Variants in ZNFX1 observed in about 807,000 individuals in gnomAD.
The protein encoded by ZNFX1 is NFX1-type zinc finger-containing protein 1.
A neutral mutation model predicts 179.8 loss-of-function variants in ZNFX1; 78 were observed. The ratio of observed to expected loss-of-function variants is 0.43; its 90% CI spans 0.36 to 0.52. The LOEUF (loss-of-function observed/expected upper bound fraction) is 0.52, where lower values mean the gene tolerates loss of function less well. ZNFX1 is among the 20% of genes least tolerant of loss of function. The pLI is 0.00. For synonymous variants in ZNFX1, 848 were observed against 868.5 expected (o/e 0.98, Z 0.42); for missense variants, 1,927 against 2,386.6 (o/e 0.81, Z 4.01).
rs192535041 is a variant in ZNFX1 at position 49,258,323 on chromosome 20, G to A, written c.2417-659C>T. Among the ~76,000 whole-genome samples, 585 of 151,026 alleles carry A rather than the reference G, an allele frequency of 3.9e-3. 1 individual carries two copies. Among genetic ancestry groups the A allele is most frequent in the Non-Finnish European group, 5.2e-3 (354 of 67,754 alleles). ...TTGGTCAGGCTGGTCTCGAACTCCC[G>A]ACCTCAGGCCTGCCTCGGCCTCCCA... On this transcript the variant is annotated intron_variant, in intron 7 of 13. Coordinates refer to ENST00000396105, the MANE Select transcript of ZNFX1 (RefSeq NM_021035.3).
intron 4 of ZNFX1, among the ~76,000 whole-genome samples, chr20:49,265,777 A>T (rs1981220224): frequency 6.6e-6 from 1 of 152,212 alleles, no homozygotes; most frequent in African/African-American, 2.4e-5. Flanking sequence ...TCCACCTGAG[A>T]AGAGAGATTT....
chr20:49,252,671 A>G (rs1427639908), intron 12 of ZNFX1, 49 bp downstream of exon 12: 1 of 1,456,194 alleles, frequency 6.9e-7, no homozygotes, highest in Non-Finnish European at 9.6e-7. Context: ...GCAGCTTCCC[A>G]GGAGCTTTCT....
At chr20:49,276,033 A>T in intron 1 of ZNFX1, 146 bp from the exon 2 acceptor site, 1 of 558,522 alleles carries the variant, frequency 1.8e-6, no homozygotes, top group Non-Finnish European at 3.2e-6. Flanking sequence ...CTAGAGCACA[A>T]GTGCTCGACT....
chr20:49,270,467 G>A lies in ZNFX1; in HGVS notation c.1345C>T (p.Leu449Phe). The A allele has an allele frequency of 6.2e-7, 1 of 1,614,192 alleles. No homozygotes were observed. Among genetic ancestry groups the A allele is most frequent in the Non-Finnish European group, 8.5e-7 (1 of 1,180,048 alleles). Residue 449 changes from leucine (L) to phenylalanine (F), a missense_variant, in exon 3 of 14, where the codon CTC (leucine) becomes TTC (phenylalanine). Leu to Phe is a conservative substitution (Grantham distance 22). Coordinates refer to ENST00000396105, the MANE Select transcript of ZNFX1 (RefSeq NM_021035.3). This position sits in a 1 kb window ranked among gnomAD's most constrained non-coding sequence, Gnocchi z 4.6. ...GACATGCATACCAAAGACCCATAGA[G>A]CAATCGTTTGGAATTCTGCCAGCGA... is the stretch of plus-strand genomic sequence containing the variant. ...FVRWQNSKRL[L>F]YGSLVCMSKD...
chr20:49,271,827 T>C, intron 2 of ZNFX1, 77 bp from the exon 3 acceptor site: 2 of 1,484,070 alleles, frequency 1.3e-6, no homozygotes, highest in Non-Finnish European at 1.8e-6. Context: ...ATGAACGTGC[T>C]TTCATTTTCC....
rs947882965 is a variant in ZNFX1, at chr20:49,270,324, C to T, written c.1488G>A (p.Glu496=). The change falls in exon 3 of 14, where the codon GAG becomes GAA. Residue 496 remains glutamate (E), a synonymous_variant. Coordinates refer to ENST00000396105, the MANE Select transcript of ZNFX1 (RefSeq NM_021035.3). This position sits in a 1 kb window ranked among gnomAD's most constrained non-coding sequence, Gnocchi z 4.6. ...FNEQSQQLLA[E]VQPSDSFLMV... The stretch of plus-strand genomic sequence containing the variant: ...TGAGGAAAGAGTCAGAGGGCTGGAC[C>T]TCTGCTAGCAGCTGTTGGCTTTGCT... The T allele has an allele frequency of 2.5e-6, 4 of 1,613,992 alleles. No individual in the cohort carries two copies. In the African/African-American group the frequency reaches 5.3e-5, roughly 22 times the overall value.
chr20:49,248,136 G>A lies in ZNFX1; in HGVS notation c.4888C>T (p.Leu1630=), dbSNP rs1980728511. ...PICQVPIRKN[L]RYGTSIKQRL... is the part of the protein sequence containing the mutation. The stretch of plus-strand genomic sequence containing the variant: ...TGTTTTATGCTAGTTCCATACCTCA[G>A]GTTTTTGCGGATGGGCACCTGGCAG... The change falls in exon 14 of 14, where the codon CTG becomes TTG. Residue 1630 remains leucine, a synonymous_variant. Transcript: ENST00000396105. This position sits in a 1 kb window ranked among gnomAD's most constrained non-coding sequence, Gnocchi z 4.6. The A allele has an allele frequency of 1.9e-6, 3 of 1,614,016 alleles. No individual in the cohort carries two copies. Among genetic ancestry groups the A allele is most frequent in the Non-Finnish European group, 2.5e-6 (3 of 1,180,028 alleles).
chr20:49,274,676 T>C (rs1004084177), intron 2 of ZNFX1, among the ~76,000 whole-genome samples: 1 of 149,118 alleles, frequency 6.7e-6, no homozygotes, highest in African/African-American at 2.5e-5. Context: ...GGAGAATCGC[T>C]TGAACCTGGG....
Position 49,248,455 on chromosome 20 carries a change from G to A in ZNFX1, c.4569C>T (p.Cys1523=). Residue 1523 remains cysteine (C), a synonymous_variant, in exon 14 of 14, where the codon TGC becomes TGT. Transcript: ENST00000396105. This position sits in a 1 kb window ranked among gnomAD's most constrained non-coding sequence, Gnocchi z 4.6. ...TGCAGGGCTCAGAGCAGAGTTTGGT[G>A]CACTGGTAGTGCTGGCAGCGCCAGA... ...PCVWRCQHYQ[C]TKLCSEPCNR... is the part of the protein sequence containing the mutation. 1 of 1,610,798 alleles carries A rather than the reference G, an allele frequency of 6.2e-7. No homozygotes were observed. The highest frequency in any genetic ancestry group is 8.5e-7 in the Non-Finnish European group (1 of 1,177,868).
chr20:49,267,916 C>T (rs1981279856), intron 3 of ZNFX1, among the ~76,000 whole-genome samples: 1 of 151,892 alleles, frequency 6.6e-6, no homozygotes, highest in Non-Finnish European at 1.5e-5. Context: ...CTCTGTTGCC[C>T]AGGCTAGAGT....
At position 49,263,345 on chromosome 20, in the gene ZNFX1, C is replaced by T; in HGVS notation, c.2290G>A (p.Gly764Arg). The change falls in exon 6 of 14, where the codon GGA (glycine) becomes AGA (arginine). Residue 764 changes from glycine (G) to arginine (R), a missense_variant. By Grantham distance (125) the Gly-to-Arg change is moderately radical. Coordinates refer to ENST00000396105, the MANE Select transcript of ZNFX1 (RefSeq NM_021035.3). The part of the protein sequence containing the change: ...SPQHWESLMN[G>R]PVQDSEWICF... ...AGGATGACCCCTACCTGCACTGGTC[C>T]ATTCATGAGACTTTCCCAGTGCTGG... 1 of 1,613,332 alleles carries T rather than the reference C, an allele frequency of 6.2e-7. No individual in the cohort carries two copies. The highest frequency in any genetic ancestry group is 8.5e-7 in the Non-Finnish European group (1 of 1,180,010).
intron 1 of ZNFX1, among the ~76,000 whole-genome samples, chr20:49,276,367 C>T (rs971317423): frequency 4.6e-5 from 7 of 152,062 alleles, no homozygotes; most frequent in African/African-American, 1.7e-4. Flanking sequence ...GCTTGCAGTA[C>T]CCTACAGTTT....
chr20:49,251,208 T>C (rs200763609), intron 13 of ZNFX1, among the ~76,000 whole-genome samples: 1 of 151,918 alleles, frequency 6.6e-6, no homozygotes, highest in Admixed American at 6.6e-5. Context: ...CATGGCACGA[T>C]CTCAGCTCAC....
intron 3 of ZNFX1, 115 bp downstream of exon 3, chr20:49,269,827 A>T (rs559325027): frequency 1.5e-6 from 2 of 1,308,868 alleles, no homozygotes; most frequent in South Asian, 1.5e-5. Flanking sequence ...CTAAAATAAA[A>T]GTTGGAAAAT....
intron 6 of ZNFX1, among the ~76,000 whole-genome samples, chr20:49,262,239 AC>A (rs1305144028): frequency 6.6e-6 from 1 of 151,254 alleles, no homozygotes; most frequent in Admixed American, 6.6e-5. Flanking sequence ...ATGTGGTGAA[AC>A]CCTGTCTCTA....
At chr20:49,253,365 G>A (rs920969388) in intron 11 of ZNFX1, among the ~76,000 whole-genome samples, 1 of 151,990 alleles carries the variant, frequency 6.6e-6, no homozygotes, top group African/African-American at 2.4e-5. Context: ...TGCATTAAAA[G>A]GTAGCAAAAA....
intron 7 of ZNFX1, among the ~76,000 whole-genome samples, chr20:49,259,127 TA>T (rs1568984450): frequency 1.1e-4 from 8 of 73,564 alleles, no homozygotes; most frequent in East Asian, 4.4e-4. Context: ...AATAAATAAA[TA>T]AATAAATAAA....
At chr20:49,257,702 CTT>C (rs11295162) in intron 7 of ZNFX1, 38 bp from the exon 8 acceptor site, 122,789 of 1,224,144 alleles carry the variant, frequency 0.1, 8 homozygotes, top group Middle Eastern at 0.14. Context: ...GATGAAAACT[CTT>C]TTTTTTTTTT....
Position 49,270,598 on chromosome 20 carries a change from A to C in ZNFX1, c.1214T>G (p.Phe405Cys). 2 of 1,614,196 alleles carry C rather than the reference A, an allele frequency of 1.2e-6. No homozygotes were observed. Among genetic ancestry groups the C allele is most frequent in the Admixed American group, 3.3e-5 (2 of 60,024 alleles). ...GTCAAAGTAGATTCGGATGTCATCAAACTTTCTCTTCCTCAGGCCCTGGTC... is the reference window on the plus strand; with the variant it reads ...GTCAAAGTAGATTCGGATGTCATCACACTTTCTCTTCCTCAGGCCCTGGTC... ...FEDQGLRKRK[F>C]DDIRIYFDTR... Residue 405 changes from phenylalanine to cysteine, a missense_variant, in exon 3 of 14, where the codon TTT (phenylalanine) becomes TGT (cysteine). Phe to Cys is a radical substitution (Grantham distance 205). Coordinates refer to ENST00000396105, the MANE Select transcript of ZNFX1 (RefSeq NM_021035.3). The surrounding 1 kb of genome is among the most constrained non-coding windows in gnomAD (Gnocchi z 4.6).
Sources: gnomAD v4.1 joint callset for allele counts (sites outside exome capture counted in the v4.1 genomes callset) on GRCh38, gnomAD v4.1.1 for gene constraint, Gnocchi (gnomAD v3.1) non-coding constraint, MANE v1.5 for transcripts, NCBI Gene and HGNC (gene_info 2026-07-23, HGNC 2026-07-21) for gene names.